Variants in TMEM217 observed in about 807,000 individuals in gnomAD.
TMEM217 encodes the protein chromosome 6 open reading frame 128.
For missense variants in TMEM217, 204 were observed against 248.8 expected, an observed-to-expected ratio of 0.82 and a Z score of 1.21; for synonymous variants, 76 against 88.3, an observed-to-expected ratio of 0.86 and a Z score of 0.78.
intron 1 of TMEM217, among the ~76,000 whole-genome samples, chr6:37,252,649 T>C (rs867206624): frequency 7.3e-6 from 1 of 136,632 alleles, no homozygotes; most frequent in South Asian, 2.3e-4. Context: ...TTTTTTTTTT[T>C]TTTTTTTTTT....
chr6:37,256,237 A>G (rs181883874), intron 1 of TMEM217, among the ~76,000 whole-genome samples: 241 of 152,332 alleles, frequency 1.6e-3, no homozygotes, highest in Middle Eastern at 3.4e-3. Context: ...TGAACTCTGA[A>G]CTGCTGGTTG....
downstream of TMEM217, chr6:37,215,235 G>A (rs760267269): frequency 5.2e-5 from 84 of 1,613,860 alleles, no homozygotes; most frequent in East Asian, 1.7e-3. Flanking sequence ...GGTGCTGGGG[G>A]CTGAGCTTGG....
At chr6:37,245,185 A>G (rs1177995256) in intron 1 of TMEM217, among the ~76,000 whole-genome samples, 1 of 152,226 alleles carries the variant, frequency 6.6e-6, no homozygotes, top group East Asian at 1.9e-4. Flanking sequence ...AATGCAACCA[A>G]TCTACCATAC....
intron 1 of TMEM217, among the ~76,000 whole-genome samples, chr6:37,219,911 C>T (rs1209492447): frequency 6.6e-6 from 1 of 152,108 alleles, no homozygotes; most frequent in African/African-American, 2.4e-5. Flanking sequence ...CACCAACTGG[C>T]TTTGGGCAAT....
At chr6:37,230,189 T>C (rs528738176) in intron 1 of TMEM217, among the ~76,000 whole-genome samples, 5 of 152,226 alleles carry the variant, frequency 3.3e-5, no homozygotes, top group African/African-American at 7.2e-5. Flanking sequence ...CTGTCACAAT[T>C]CACTGCCTCT....
intron 1 of TMEM217, among the ~76,000 whole-genome samples, chr6:37,236,161 T>A (rs1583467251): frequency 6.6e-6 from 1 of 152,164 alleles, no homozygotes; most frequent in Admixed American, 6.5e-5. Flanking sequence ...AAAAACAATT[T>A]AAAAAAACAG....
At chr6:37,255,946 G>A (rs1765700051) in intron 1 of TMEM217, among the ~76,000 whole-genome samples, 1 of 152,184 alleles carries the variant, frequency 6.6e-6, no homozygotes, top group Admixed American at 6.5e-5. Flanking sequence ...AGAAATAACA[G>A]GGCTTTTCTG....
At chr6:37,215,974 G>A (rs1413618102), downstream of TMEM217, among the ~76,000 whole-genome samples, 2 of 151,404 alleles carry the variant, frequency 1.3e-5, no homozygotes, top group Non-Finnish European at 2.9e-5. Context: ...TCTCTGAAAG[G>A]CAAAGGAGAG....
At chr6:37,231,320 T>C (rs759072051) in intron 1 of TMEM217, among the ~76,000 whole-genome samples, 10 of 141,914 alleles carry the variant, frequency 7.0e-5, no homozygotes, top group Non-Finnish European at 1.2e-4. Flanking sequence ...TCCACCTGCC[T>C]CAGCCTCCCA....
exon 1 of TMEM217, chr6:37,257,652 C>G: frequency 2.0e-6 from 1 of 494,728 alleles, no homozygotes; most frequent in Non-Finnish European, 3.6e-6. Flanking sequence ...ACCTGTGTGC[C>G]CAGCCCCTGA....
At chr6:37,244,664 C>T (rs1305678023) in intron 1 of TMEM217, among the ~76,000 whole-genome samples, 1 of 152,092 alleles carries the variant, frequency 6.6e-6, no homozygotes, top group Admixed American at 6.6e-5. Context: ...GTGTGTTGGC[C>T]GTATATTGTC....
chr6:37,212,872 C>A, downstream of TMEM217: 1 of 1,476,830 alleles, frequency 6.8e-7, no homozygotes, highest in Non-Finnish European at 9.3e-7. Flanking sequence ...GGCCTCATAG[C>A]AAATGTGTGT....
intron 1 of TMEM217, among the ~76,000 whole-genome samples, chr6:37,253,664 T>G (rs1562028942): frequency 6.6e-6 from 1 of 152,176 alleles, no homozygotes; most frequent in South Asian, 2.1e-4. Context: ...CTTCCCCTCA[T>G]CACAGTGTCT....
intron 1 of TMEM217, among the ~76,000 whole-genome samples, chr6:37,246,623 C>T (rs1039931685): frequency 6.6e-6 from 1 of 152,158 alleles, no homozygotes; most frequent in African/African-American, 2.4e-5. Flanking sequence ...ATTTCTCAGG[C>T]TGGGCATGGT....
At chr6:37,257,580 T>A in exon 1 of TMEM217, 1 of 372,590 alleles carries the variant, frequency 2.7e-6, no homozygotes, top group Non-Finnish European at 4.9e-6. Flanking sequence ...GCTTCTTCCC[T>A]CTCGCGGGTA....
intron 1 of TMEM217, among the ~76,000 whole-genome samples, chr6:37,223,763 CT>C (rs1253776119): frequency 6.6e-6 from 1 of 152,184 alleles, no homozygotes; most frequent in Non-Finnish European, 1.5e-5. Context: ...CCACCTTGGC[CT>C]CCCAAAGTGC....
chr6:37,239,542 AG>A, intron 1 of TMEM217, among the ~76,000 whole-genome samples: 1 of 152,184 alleles, frequency 6.6e-6, no homozygotes, highest in Non-Finnish European at 1.5e-5. Context: ...AAAGCATTGA[AG>A]CATAGTGTAA....
chr6:37,238,477 G>A (rs902586179), intron 1 of TMEM217, among the ~76,000 whole-genome samples: 3 of 152,122 alleles, frequency 2.0e-5, no homozygotes, highest in Non-Finnish European at 2.9e-5. Flanking sequence ...AATGAGCCCA[G>A]ACCCAGGCAA....
At chr6:37,229,681 C>A (rs1414076542) in intron 1 of TMEM217, among the ~76,000 whole-genome samples, 1 of 152,174 alleles carries the variant, frequency 6.6e-6, no homozygotes, top group East Asian at 1.9e-4. Flanking sequence ...TCGTTAGATT[C>A]ATTTTATTAT....
Sources: gnomAD v4.1 joint callset for allele counts (sites outside exome capture counted in the v4.1 genomes callset) on GRCh38, gnomAD v4.1.1 for gene constraint, MANE v1.5 for transcripts, NCBI Gene and HGNC (gene_info 2026-07-23, HGNC 2026-07-21) for gene names.